NPRL3: variants seen among roughly 807,000 people sequenced by gnomAD.
NPRL3 encodes the protein NPR3 like, GATOR1 complex subunit.
NPRL3 carries 23 observed loss-of-function variants against 57.2 expected under a neutral mutation model. That is an observed-to-expected ratio of 0.40 (90% CI 0.29 to 0.57). The LOEUF (loss-of-function observed/expected upper bound fraction) is 0.57, where lower values mean the gene tolerates loss of function less well. NPRL3 is among the 20% of genes least tolerant of loss of function. NPRL3 has a pLI of 0.42. For synonymous variants in NPRL3, 333 were observed against 321.1 expected, an observed-to-expected ratio of 1.04 and a Z score of -0.39; for missense variants, 691 against 767.1, an observed-to-expected ratio of 0.90 and a Z score of 1.17.
At chr16:92,759 AGACC>A in intron 10 of NPRL3, 34 bp from the exon 11 acceptor site, 1 of 1,609,538 alleles carries the variant, frequency 6.2e-7, no homozygotes, top group East Asian at 2.2e-5. Flanking sequence ...TGAGTGCAGC[AGACC>A]CCCCCACCGT....
intron 7 of NPRL3, among the ~76,000 whole-genome samples, chr16:105,516 G>A (rs1450418187): frequency 1.4e-5 from 2 of 144,584 alleles, no homozygotes; most frequent in Admixed American, 7.0e-5. Context: ...TACAACTCAG[G>A]ATATTCACAG....
intron 7 of NPRL3, among the ~76,000 whole-genome samples, chr16:103,296 A>ATTTTTTTTTT (rs533871530): frequency 0.013 from 554 of 42,106 alleles, 138 homozygotes; most frequent in African/African-American, 0.022. Context: ...GCCTGGGGTG[A>ATTTTTTTTTT]TTTTTTTTTT....
chr16:92,855 T>A, intron 10 of NPRL3, 130 bp from the exon 11 acceptor site: 2 of 1,234,002 alleles, frequency 1.6e-6, no homozygotes, highest in Non-Finnish European at 1.1e-6. Context: ...GGCAGAACGG[T>A]ATGAGGCCAG....
At chr16:97,140 G>A (rs1308221394) in intron 9 of NPRL3, among the ~76,000 whole-genome samples, 1 of 152,218 alleles carries the variant, frequency 6.6e-6, no homozygotes, top group Admixed American at 6.5e-5. Flanking sequence ...CCCACCCTCA[G>A]GCAGTATTTC....
chr16:123,584 A>AT (rs780275455), intron 3 of NPRL3: 11 of 467,044 alleles, frequency 2.4e-5, no homozygotes, highest in Middle Eastern at 3.3e-4. Flanking sequence ...AAACAAAAAC[A>AT]TATCACTTTT....
intron 11 of NPRL3, among the ~76,000 whole-genome samples, 183 bp downstream of exon 11, chr16:92,413 G>C (rs144499647): frequency 3.3e-4 from 51 of 152,352 alleles, no homozygotes; most frequent in African/African-American, 1.2e-3. Flanking sequence ...AGCATCTGCA[G>C]GTGGCCCGGC....
At chr16:120,165 AAG>A (rs886592882) in intron 3 of NPRL3, among the ~76,000 whole-genome samples, 4 of 152,152 alleles carry the variant, frequency 2.6e-5, no homozygotes, top group Admixed American at 2.0e-4. Flanking sequence ...CTGGACCCAG[AAG>A]AGAGAGAAGT....
chr16:101,825 G>A (rs774359102), intron 7 of NPRL3, among the ~76,000 whole-genome samples: 1 of 152,138 alleles, frequency 6.6e-6, no homozygotes, highest in Admixed American at 6.5e-5. Flanking sequence ...ACGCCCCAAG[G>A]CTCCTTTACT....
chr16:95,317 T>TTG (rs756045526), intron 9 of NPRL3, among the ~76,000 whole-genome samples: 65,913 of 104,458 alleles, frequency 0.63, 22,161 homozygotes, highest in Non-Finnish European at 0.76. Context: ...AATAAAATGT[T>TTG]TGTGTGTGTA....
chr16:108,293 C>G (rs993557856), intron 7 of NPRL3, among the ~76,000 whole-genome samples: 11 of 152,184 alleles, frequency 7.2e-5, no homozygotes, highest in African/African-American at 1.9e-4. Flanking sequence ...AGAGATGCAT[C>G]AGTGCATCAC....
chr16:95,363 ACACACACAC>A (rs1898958588), intron 9 of NPRL3, among the ~76,000 whole-genome samples: 1 of 142,134 alleles, frequency 7.0e-6, no homozygotes, highest in Non-Finnish European at 1.6e-5. Flanking sequence ...ACACACACAC[ACACACACAC>A]ACACACACAC....
intron 7 of NPRL3, among the ~76,000 whole-genome samples, chr16:105,593 A>G (rs1596514852): frequency 6.6e-6 from 1 of 152,176 alleles, no homozygotes; most frequent in Admixed American, 6.5e-5. Context: ...AGTACCACCT[A>G]CCCAGCCAGA....
At chr16:116,795 C>CG (rs939948989) in intron 5 of NPRL3, among the ~76,000 whole-genome samples, 1 of 144,402 alleles carries the variant, frequency 6.9e-6, no homozygotes, top group African/African-American at 2.6e-5. Context: ...AGACCCCCCC[C>CG]CCCCACCGAT....
intron 4 of NPRL3, among the ~76,000 whole-genome samples, chr16:117,890 A>AG (rs908918298): frequency 5.9e-5 from 9 of 152,218 alleles, no homozygotes; most frequent in African/African-American, 2.2e-4. Context: ...AAGCATTCCA[A>AG]GGGGCACGGG....
chr16:110,919 CT>C (rs1899778169), intron 6 of NPRL3, among the ~76,000 whole-genome samples: 3 of 152,026 alleles, frequency 2.0e-5, no homozygotes, highest in Admixed American at 1.3e-4. Flanking sequence ...GCCAAAAAGT[CT>C]TTTATTCATC....
At chr16:135,443 T>G (rs927006688) in intron 2 of NPRL3, among the ~76,000 whole-genome samples, 1 of 152,036 alleles carries the variant, frequency 6.6e-6, no homozygotes, top group Non-Finnish European at 1.5e-5. Flanking sequence ...ACCCCATCTC[T>G]ACTAAAAATA....
chr16:137,378 G>A (rs769179112), intron 2 of NPRL3, among the ~76,000 whole-genome samples: 2 of 152,180 alleles, frequency 1.3e-5, no homozygotes, highest in East Asian at 1.9e-4. Context: ...CCGACTATGG[G>A]AAAAGGGCGC....
intron 3 of NPRL3, among the ~76,000 whole-genome samples, chr16:121,008 G>A (rs1211541341): frequency 6.6e-6 from 1 of 152,100 alleles, no homozygotes; most frequent in East Asian, 1.9e-4. Flanking sequence ...GGACACAGAG[G>A]TAACAGAAAA....
At chr16:136,832 C>T (rs1040224717) in intron 2 of NPRL3, among the ~76,000 whole-genome samples, 1 of 151,954 alleles carries the variant, frequency 6.6e-6, no homozygotes, top group Non-Finnish European at 1.5e-5. Context: ...ACTTTCTTTT[C>T]ATAATCTAAA....
Sources: allele counts gnomAD v4.1 joint callset (sites outside exome capture counted in the v4.1 genomes callset), GRCh38; gene constraint gnomAD v4.1.1; transcripts MANE v1.5; gene names NCBI Gene and HGNC (gene_info 2026-07-23, HGNC 2026-07-21).